THSD4: variants seen among roughly 807,000 people sequenced by gnomAD.
THSD4 encodes the protein thrombospondin type-1 domain-containing protein 4.
A neutral mutation model predicts 119.0 loss-of-function variants in THSD4; 69 were observed. That is an observed-to-expected ratio of 0.58 (90% CI 0.48 to 0.71). The LOEUF is 0.71. THSD4 is among the 30% of genes least tolerant of loss of function. THSD4 has a pLI of 0.00. For synonymous variants in THSD4, 524 were observed against 540.4 expected, an observed-to-expected ratio of 0.97 and a Z score of 0.42; for missense variants, 1,393 against 1,391.1, an observed-to-expected ratio of 1.00 and a Z score of -0.02.
chr15:71,597,497 A>G (rs558958575), intron 7 of THSD4, among the ~76,000 whole-genome samples: 17 of 152,338 alleles, frequency 1.1e-4, no homozygotes, highest in South Asian at 8.3e-4. Flanking sequence ...TATAGACAAC[A>G]TACATTATAA....
At chr15:71,530,176 C>T (rs889313077) in intron 7 of THSD4, among the ~76,000 whole-genome samples, 5 of 151,926 alleles carry the variant, frequency 3.3e-5, no homozygotes, top group African/African-American at 9.7e-5. Context: ...GGAAAATGAA[C>T]GAGTTCTGTA....
Position 71,780,636 on chromosome 15 carries a change from C to T in THSD4, c.*3262C>T. ...CCCGCTGCCTGCAAGCTGTTGGGGACCCCAGGGAGGGCAAGGCAGCCTGTC... is the reference window on the plus strand; with the variant it reads ...CCCGCTGCCTGCAAGCTGTTGGGGATCCCAGGGAGGGCAAGGCAGCCTGTC... On this transcript the variant is annotated 3_prime_UTR_variant, in exon 18 of 18. Transcript: ENST00000261862. The T allele has an allele frequency of 2.2e-6, 1 of 456,606 alleles. No homozygotes were observed. Among genetic ancestry groups the T allele is most frequent in the Non-Finnish European group, 4.4e-6 (1 of 226,922 alleles). 28.3% of individuals were successfully genotyped at this position (456,606 alleles called of 1,614,324 possible). A position where few individuals can be genotyped will look rare whatever the true frequency, so the allele number is the denominator to read the frequency against.
At chr15:71,446,723 T>A (rs919661432) in intron 7 of THSD4, among the ~76,000 whole-genome samples, 2 of 152,116 alleles carry the variant, frequency 1.3e-5, no homozygotes, top group Admixed American at 1.3e-4. Context: ...TCTCTTCATT[T>A]TTTCTCTCTG....
chr15:71,135,991 GTTT>G lies in THSD4; in HGVS notation c.-79-5434_-79-5432del, dbSNP rs10540241. Among the ~76,000 whole-genome samples the G allele has an allele frequency of 5.8e-3, 403 of 69,092 alleles. 5 individuals are homozygous for G. The highest frequency in any genetic ancestry group is 0.019 in the African/African-American group (376 of 19,850). The allele number at this position is 69,092 out of a possible 152,430, so 45.3% of individuals were successfully genotyped here. A position where few individuals can be genotyped will look rare whatever the true frequency, so the allele number is the denominator to read the frequency against. On this transcript the variant is annotated intron_variant, in intron 1 of 17. Transcript: ENST00000261862. ...GTCCTTTGGTTTTTTGTTTAGTTTA[GTTT>G]TTTTTTTTTTTTTTTTTTTTTTTAA...
intron 14 of THSD4, among the ~76,000 whole-genome samples, chr15:71,752,277 TCTAC>T (rs1199419304): frequency 6.6e-6 from 1 of 152,256 alleles, no homozygotes; most frequent in African/African-American, 2.4e-5. Flanking sequence ...AGATTTCCAC[TCTAC>T]CTATTTCCTC....
chr15:71,130,477 C>T (rs1475878293), intron 1 of THSD4, among the ~76,000 whole-genome samples: 2 of 151,732 alleles, frequency 1.3e-5, no homozygotes, highest in Admixed American at 6.5e-5. Context: ...TGAGCCACTG[C>T]GCCCGGCCCT....
intron 6 of THSD4, among the ~76,000 whole-genome samples, chr15:71,391,433 C>A (rs542099030): frequency 6.9e-4 from 105 of 152,274 alleles, no homozygotes; most frequent in South Asian, 2.5e-3. Context: ...CTGCACTGGG[C>A]TTCCCAAAGG....
intron 7 of THSD4, among the ~76,000 whole-genome samples, chr15:71,652,269 C>T (rs1001305642): frequency 6.6e-6 from 1 of 152,156 alleles, no homozygotes; most frequent in Non-Finnish European, 1.5e-5. Context: ...TTCCTGCTGC[C>T]AGCCCCTCCT....
chr15:71,493,619 C>T (rs1567007456), intron 7 of THSD4, among the ~76,000 whole-genome samples: 1 of 152,184 alleles, frequency 6.6e-6, no homozygotes, highest in Non-Finnish European at 1.5e-5. Context: ...CCTCCATAGA[C>T]CTCAGTGTGA....
chr15:71,684,271 A>G lies in THSD4; in HGVS notation c.1357+23537A>G, dbSNP rs111395549. ...GCTTTTATAAATTCTGAGTAATTTG[A>G]GTTGATTCTCATCGTTTTCTAGTGA... On this transcript the variant is annotated intron_variant, in intron 8 of 17. Coordinates refer to ENST00000261862, the MANE Select transcript of THSD4 (RefSeq NM_024817.3). Among the ~76,000 whole-genome samples the G allele has an allele frequency of 7.4e-3, 1,119 of 152,230 alleles. 14 individuals are homozygous for G. The highest frequency in any genetic ancestry group is 0.026 in the African/African-American group (1,067 of 41,522).
At chr15:71,142,411 A>G (rs2040613673) in intron 2 of THSD4, among the ~76,000 whole-genome samples, 1 of 152,188 alleles carries the variant, frequency 6.6e-6, no homozygotes, top group African/African-American at 2.4e-5. Context: ...AAAGGCTGAC[A>G]GAGCCTTTTA....
intron 6 of THSD4, among the ~76,000 whole-genome samples, chr15:71,315,545 A>C (rs1313850051): frequency 6.6e-6 from 1 of 152,210 alleles, no homozygotes. Flanking sequence ...CCAGGATAGG[A>C]GGTCAGCTGT....
In THSD4 at chr15:71,554,727, CTTT is replaced by C. The variant is rs34568649; in HGVS notation, c.1153-105791_1153-105789del. On this transcript the variant is annotated intron_variant, in intron 7 of 17. Transcript: ENST00000261862. ...ACAGTTTAAACAACCAAAAAGTTACCTTTTTTTTTTTTTTGAAGGTTTATTGAA... is the reference window on the plus strand; with the variant it reads ...ACAGTTTAAACAACCAAAAAGTTACCTTTTTTTTTTTGAAGGTTTATTGAA... 1.1e-3 allele frequency among the ~76,000 whole-genome samples: 156 copies of C among 148,548 alleles called. 1 individual carries two copies. In the East Asian group the frequency reaches 0.012, roughly 11 times the overall value.
intron 7 of THSD4, among the ~76,000 whole-genome samples, chr15:71,482,439 T>C (rs1277383185): frequency 2.6e-5 from 4 of 151,260 alleles, no homozygotes; most frequent in South Asian, 2.1e-4. Context: ...TACAGGCACC[T>C]GCCACCACAC....
intron 6 of THSD4, among the ~76,000 whole-genome samples, chr15:71,400,289 CT>C (rs1407919957): frequency 2.0e-5 from 3 of 152,090 alleles, no homozygotes; most frequent in African/African-American, 7.2e-5. Context: ...CGCCCAAAAC[CT>C]TTTCTTTTTC....
Position 71,389,807 on chromosome 15 carries a change from G to GTTTTTTTTTTTTTTT in THSD4, c.1016-21878_1016-21877insTTTTTTTTTTTTTTT, listed in dbSNP as rs1237701264. ...CTTGCCAACACTTGCTATTTTCTGGGTTGTTTTTTTTTTTTTTTTTGACAC... is the reference window on the plus strand; with the variant it reads ...CTTGCCAACACTTGCTATTTTCTGGGTTTTTTTTTTTTTTTTTGTTTTTTTTTTTTTTTTTGACAC... On this transcript the variant is annotated intron_variant, in intron 6 of 17. Coordinates refer to ENST00000261862, the MANE Select transcript of THSD4 (RefSeq NM_024817.3). Among the ~76,000 whole-genome samples the GTTTTTTTTTTTTTTT allele has an allele frequency of 1.7e-3, 77 of 46,184 alleles. 1 individual carries two copies. The highest frequency in any genetic ancestry group is 2.5e-3 in the Non-Finnish European group (49 of 19,472). 30.3% of individuals were successfully genotyped at this position (46,184 alleles called of 152,430 possible).
chr15:71,193,658 C>T (rs1040291999), intron 3 of THSD4, among the ~76,000 whole-genome samples: 1 of 152,138 alleles, frequency 6.6e-6, no homozygotes, highest in Admixed American at 6.5e-5. Flanking sequence ...GGGGTGGTTC[C>T]CCCATACTGT....
chr15:71,371,549 G>T (rs1444383440), intron 6 of THSD4, among the ~76,000 whole-genome samples: 2 of 152,136 alleles, frequency 1.3e-5, no homozygotes, highest in African/African-American at 4.8e-5. Flanking sequence ...GCTTAGTTTG[G>T]CTGGATATGA....
At chr15:71,712,523 G>A (rs550619209) in intron 8 of THSD4, among the ~76,000 whole-genome samples, 1 of 149,988 alleles carries the variant, frequency 6.7e-6, no homozygotes, top group African/African-American at 2.4e-5. Context: ...TTGCAGAAGG[G>A]AGAATTGCAG....
Sources: allele counts gnomAD v4.1 joint callset (sites outside exome capture counted in the v4.1 genomes callset), GRCh38; gene constraint gnomAD v4.1.1; transcripts MANE v1.5; gene names NCBI Gene and HGNC (gene_info 2026-07-23, HGNC 2026-07-21).